Variants in INTS10 observed in about 807,000 individuals in gnomAD.
INTS10 encodes chromosome 8 open reading frame 35.
In INTS10, 44 loss-of-function variants were observed where a neutral mutation model predicts 94.4. The ratio of observed to expected loss-of-function variants is 0.47; its 90% confidence interval spans 0.37 to 0.60. The LOEUF (loss-of-function observed/expected upper bound fraction) is 0.60. INTS10 is among the 20% of genes least tolerant of loss of function. The pLI is 0.00. For missense variants in INTS10, 797 were observed against 868.7 expected (o/e 0.92, Z 1.04); for synonymous variants, 341 against 320.7 (o/e 1.06, Z -0.68).
At chr8:19,845,988 CT>C (rs1472313190) in intron 16 of INTS10, 191 bp downstream of exon 16, 1 of 476,176 alleles carries the variant, frequency 2.1e-6, no homozygotes, top group Non-Finnish European at 3.8e-6. Context: ...TCTTAAAACA[CT>C]TTGCTTAAAT....
chr8:19,851,874 GC>G lies in INTS10; in HGVS notation c.*71del. 7.2e-7 allele frequency: 1 copy of G among 1,391,274 alleles called. No homozygotes were observed. Among genetic ancestry groups the G allele is most frequent in the South Asian group, 1.2e-5 (1 of 84,086 alleles). 86.2% of individuals were successfully genotyped at this position (1,391,274 alleles called of 1,614,324 possible). The stretch of plus-strand genomic sequence containing the variant: ...TAGGAGAAGACACTCAGCAGTGATT[GC>G]CATGGCACAGAGCCGTGGTCATTGT... On this transcript the variant is annotated 3_prime_UTR_variant, in exon 17 of 17. Coordinates refer to ENST00000397977, the MANE Select transcript of INTS10 (RefSeq NM_018142.4). This position sits in a 1 kb window ranked among gnomAD's most constrained non-coding sequence, Gnocchi z 5.0.
chr8:19,839,043 G>A (rs1463492025), intron 13 of INTS10, among the ~76,000 whole-genome samples: 1 of 151,966 alleles, frequency 6.6e-6, no homozygotes, highest in African/African-American at 2.4e-5. Flanking sequence ...CTACACTCCA[G>A]CCTGGGCGAC....
In INTS10 at chr8:19,817,534, G is replaced by C. The variant is rs1563311878; in HGVS notation, c.-4G>C. On this transcript the variant is annotated 5_prime_UTR_variant, in exon 1 of 17. Coordinates refer to ENST00000397977, the MANE Select transcript of INTS10 (RefSeq NM_018142.4). ...CGGGCTGGCGGCTGGAGAGCGCTCG[G>C]GTCATGTCTGCCCAGGGGGACTGCG... is the stretch of plus-strand genomic sequence containing the variant. 1.9e-6 allele frequency: 3 copies of C among 1,605,944 alleles called. No individual in the cohort carries two copies. The highest frequency in any genetic ancestry group is 2.7e-5 in the African/African-American group (2 of 74,800).
intron 12 of INTS10, 27 bp downstream of exon 12, chr8:19,833,348 C>T (rs2067393676): frequency 1.3e-6 from 2 of 1,495,996 alleles, no homozygotes; most frequent in Non-Finnish European, 9.0e-7. Flanking sequence ...TACATGCCTG[C>T]CGCAGGTGCA....
At chr8:19,840,097 G>C (rs1467525773) in intron 13 of INTS10, among the ~76,000 whole-genome samples, 6 of 127,326 alleles carry the variant, frequency 4.7e-5, no homozygotes, top group African/African-American at 1.7e-4. Context: ...AAAATTCCAA[G>C]ACGTTTTAGT....
At chr8:19,837,901 A>G (rs1313009439) in intron 13 of INTS10, among the ~76,000 whole-genome samples, 1 of 152,178 alleles carries the variant, frequency 6.6e-6, no homozygotes, top group African/African-American at 2.4e-5. Flanking sequence ...CCAGTATCAG[A>G]AATGAAAAAG....
chr8:19,838,211 C>G (rs1450298232), intron 13 of INTS10, among the ~76,000 whole-genome samples: 2 of 151,856 alleles, frequency 1.3e-5, no homozygotes, highest in Non-Finnish European at 1.5e-5. Context: ...TAAAAATTAC[C>G]CGGGTGTGGT....
chr8:19,826,274 GTT>G (rs2066782446), intron 8 of INTS10, 150 bp from the exon 9 acceptor site: 2 of 652,872 alleles, frequency 3.1e-6, no homozygotes, highest in African/African-American at 1.9e-5. Context: ...TAGAGATGGG[GTT>G]TCGCCATGTT....
chr8:19,845,923 A>G (rs1018977927), intron 16 of INTS10, 126 bp downstream of exon 16: 9 of 555,724 alleles, frequency 1.6e-5, no homozygotes, highest in Non-Finnish European at 2.9e-5. Flanking sequence ...GGTCTCTGTT[A>G]TGATAGTTTG....
chr8:19,847,608 T>C lies in INTS10; in HGVS notation c.1976+1811T>C, dbSNP rs530330177. Among the ~76,000 whole-genome samples, 299 of 152,312 alleles carry C rather than the reference T, an allele frequency of 2.0e-3. 5 individuals carry two copies. Among genetic ancestry groups the C allele is most frequent in the African/African-American group, 7.0e-3 (291 of 41,566 alleles). ...ATAGGATTAAACCTGCAGATGATTA[T>C]CACTTTACCTAGATAATGCCTAACT... On this transcript the variant is annotated intron_variant, in intron 16 of 16. Transcript: ENST00000397977.
chr8:19,850,278 G>T (rs140164722), intron 16 of INTS10, among the ~76,000 whole-genome samples: 1 of 152,164 alleles, frequency 6.6e-6, no homozygotes, highest in East Asian at 1.9e-4. Context: ...CAGTATCTCA[G>T]GGCAGCATAA....
At chr8:19,839,003 C>T (rs375926701) in intron 13 of INTS10, among the ~76,000 whole-genome samples, 13 of 151,816 alleles carry the variant, frequency 8.6e-5, no homozygotes, top group South Asian at 4.2e-4. Flanking sequence ...ACCCGGGAGG[C>T]GGAGGTTGCA....
At position 19,830,551 on chromosome 8, in the gene INTS10, T is replaced by G. The variant is rs2067149819; in HGVS notation, c.1286T>G (p.Leu429Arg). 3 of 1,611,672 alleles carry G rather than the reference T, an allele frequency of 1.9e-6. No homozygotes were observed. Among genetic ancestry groups the G allele is most frequent in the Non-Finnish European group, 2.5e-6 (3 of 1,179,226 alleles). The change falls in exon 10 of 17, where the codon CTT (leucine) becomes CGT (arginine). Residue 429 changes from leucine (L) to arginine (R), a missense_variant. By Grantham distance (102) the Leu-to-Arg change is moderately radical. Around this residue, in one of 3 missense-constraint regions of INTS10, gnomAD observed 734 missense variants for 787.8 expected, o/e 0.93. Coordinates refer to ENST00000397977, the MANE Select transcript of INTS10 (RefSeq NM_018142.4). Reference sequence around the variant, plus strand: ...GAGTTGCTCTATTCCCTAGAATTCCTTGACAAAGGTAAGAAAGCGCATGTC... The same window carrying G: ...GAGTTGCTCTATTCCCTAGAATTCCGTGACAAAGGTAAGAAAGCGCATGTC... ...SWELLYSLEFLDKEFTRICLA... is the reference protein window; with the variant it reads ...SWELLYSLEFRDKEFTRICLA...
intron 7 of INTS10, 45 bp downstream of exon 7, chr8:19,824,089 A>G (rs11783801): frequency 0.072 from 106,362 of 1,475,402 alleles, 4,081 homozygotes; most frequent in Non-Finnish European, 0.078. Flanking sequence ...ATTCTTTTGG[A>G]TCCTTATAAA....
At chr8:19,844,990 TG>T (rs2128808363) in intron 15 of INTS10, among the ~76,000 whole-genome samples, 1 of 152,202 alleles carries the variant, frequency 6.6e-6, no homozygotes, top group East Asian at 1.9e-4. Flanking sequence ...CTTAAACTCC[TG>T]GGCTCAAGAG....
intron 13 of INTS10, among the ~76,000 whole-genome samples, chr8:19,839,687 G>T (rs2067962191): frequency 6.6e-6 from 1 of 151,996 alleles, no homozygotes; most frequent in Non-Finnish European, 1.5e-5. Flanking sequence ...GACAGAGAAA[G>T]ATTTCCCTGT....
At chr8:19,840,528 A>G (rs934836841) in intron 13 of INTS10, among the ~76,000 whole-genome samples, 6 of 152,244 alleles carry the variant, frequency 3.9e-5, no homozygotes, top group African/African-American at 1.4e-4. Context: ...CTTATACTAC[A>G]TAATAACAAG....
Position 19,849,257 on chromosome 8 carries a change from C to T in INTS10, c.1977-2392C>T, listed in dbSNP as rs981104973. ...GCTGACAGGTACCAAGTGGAATCAA[C>T]GCCCGCTCATAGTGTGCTGTTTGTC... On this transcript the variant is annotated intron_variant, in intron 16 of 16. Coordinates refer to ENST00000397977, the MANE Select transcript of INTS10 (RefSeq NM_018142.4). This position sits in a 1 kb window ranked among gnomAD's most constrained non-coding sequence, Gnocchi z 4.6. 5.8e-5 allele frequency: 73 copies of T among 1,264,452 alleles called. No individual in the cohort carries two copies. The highest frequency in any genetic ancestry group is 9.2e-5 in the African/African-American group (6 of 65,370). 78.3% of individuals were successfully genotyped at this position (1,264,452 alleles called of 1,614,324 possible).
intron 16 of INTS10, among the ~76,000 whole-genome samples, chr8:19,847,685 A>C (rs2068693101): frequency 6.6e-6 from 1 of 152,228 alleles, no homozygotes; most frequent in African/African-American, 2.4e-5. Context: ...GTTGAACCTC[A>C]GACTTCATTG....
Sources: gnomAD v4.1 joint callset for allele counts (sites outside exome capture counted in the v4.1 genomes callset) on GRCh38, gnomAD v4.1.1 for gene constraint, gnomAD v4.1.1 regional missense constraint, Gnocchi (gnomAD v3.1) non-coding constraint, MANE v1.5 for transcripts, NCBI Gene and HGNC (gene_info 2026-07-23, HGNC 2026-07-21) for gene names.